ANKS1B: variants seen among roughly 807,000 people sequenced by gnomAD.
ANKS1B encodes ankyrin repeat and sterile alpha motif domain containing 1B.
Under a neutral mutation model 148.3 loss-of-function variants are expected in ANKS1B, and 36 were observed. That is an observed-to-expected ratio of 0.24 (90% CI 0.19 to 0.32). ANKS1B has a LOEUF of 0.32. Among genes scored for constraint, ANKS1B ranks in the 10% least tolerant of loss-of-function variants. The probability of loss-of-function intolerance (pLI) is 1.00; values close to 1 mark genes in which losing one functional copy is unlikely to be tolerated. For synonymous variants in ANKS1B, 542 were observed against 560.8 expected (o/e 0.97, Z 0.47); for missense variants, 1,157 against 1,542.6 (o/e 0.75, Z 4.19).
intron 8 of ANKS1B, among the ~76,000 whole-genome samples, chr12:99,683,479 GATA>G (rs1440228070): frequency 6.6e-6 from 1 of 151,840 alleles, no homozygotes; most frequent in East Asian, 1.9e-4. Context: ...AGATTAAAAT[GATA>G]ATAACAAATC....
intron 9 of ANKS1B, among the ~76,000 whole-genome samples, chr12:99,630,789 A>C (rs1390948812): frequency 6.6e-6 from 1 of 152,170 alleles, no homozygotes; most frequent in Non-Finnish European, 1.5e-5. Flanking sequence ...ACTCTACAGC[A>C]CGTCCTTACC....
At chr12:99,168,769 G>A (rs937405462) in intron 14 of ANKS1B, among the ~76,000 whole-genome samples, 1 of 152,108 alleles carries the variant, frequency 6.6e-6, no homozygotes, top group Non-Finnish European at 1.5e-5. Context: ...GTGATCCTGA[G>A]GGGGTGAAAC....
At chr12:99,425,180 T>C (rs2095222755) in intron 11 of ANKS1B, among the ~76,000 whole-genome samples, 1 of 151,998 alleles carries the variant, frequency 6.6e-6, no homozygotes, top group African/African-American at 2.4e-5. Context: ...ACACCCACAG[T>C]TGTACATATT....
chr12:98,857,678 T>C (rs2099579018), intron 17 of ANKS1B, among the ~76,000 whole-genome samples: 1 of 152,148 alleles, frequency 6.6e-6, no homozygotes, highest in East Asian at 1.9e-4. Flanking sequence ...TGAATGAAGG[T>C]GGCTAGGGTA....
chr12:99,606,035 T>C (rs1463032985), intron 9 of ANKS1B, among the ~76,000 whole-genome samples: 2 of 152,084 alleles, frequency 1.3e-5, no homozygotes, highest in Non-Finnish European at 2.9e-5. Flanking sequence ...TTCTAATTAC[T>C]GTGATGTGAT....
intron 9 of ANKS1B, among the ~76,000 whole-genome samples, chr12:99,545,860 C>T (rs960518792): frequency 3.3e-5 from 5 of 151,108 alleles, no homozygotes; most frequent in African/African-American, 1.2e-4. Flanking sequence ...TGAGACTTTA[C>T]CTATATCCAA....
intron 12 of ANKS1B, among the ~76,000 whole-genome samples, chr12:99,327,523 C>T (rs1329385571): frequency 7.0e-6 from 1 of 142,624 alleles, no homozygotes; most frequent in Non-Finnish European, 1.5e-5. Context: ...TACATATACT[C>T]TATGATGTTC....
intron 17 of ANKS1B, among the ~76,000 whole-genome samples, chr12:98,977,265 C>T (rs59196847): frequency 0.057 from 8,641 of 152,164 alleles, 521 homozygotes; most frequent in African/African-American, 0.14. Flanking sequence ...AAATGTAAAA[C>T]TTAAATCATT....
chr12:99,536,399 AG>A (rs1400095852), intron 9 of ANKS1B, among the ~76,000 whole-genome samples: 2 of 152,224 alleles, frequency 1.3e-5, no homozygotes, highest in African/African-American at 4.8e-5. Context: ...CTAAAAAATT[AG>A]TCTTTATTAT....
intron 17 of ANKS1B, among the ~76,000 whole-genome samples, chr12:99,016,955 A>G (rs960064063): frequency 6.6e-6 from 1 of 152,182 alleles, no homozygotes; most frequent in South Asian, 2.1e-4. Flanking sequence ...TTAAAGTTCC[A>G]TGTCCAGGAA....
At chr12:99,039,851 T>C (rs1319916625) in intron 17 of ANKS1B, among the ~76,000 whole-genome samples, 2 of 152,202 alleles carry the variant, frequency 1.3e-5, no homozygotes, top group African/African-American at 4.8e-5. Flanking sequence ...TTCTCTATAT[T>C]CAAAGCACCA....
At chr12:98,934,460 T>C (rs2099816589) in intron 17 of ANKS1B, among the ~76,000 whole-genome samples, 1 of 152,114 alleles carries the variant, frequency 6.6e-6, no homozygotes, top group Admixed American at 6.5e-5. Context: ...TTCTCAAGAT[T>C]GACTTGGCTA....
intron 12 of ANKS1B, among the ~76,000 whole-genome samples, chr12:99,257,682 A>G: frequency 6.6e-6 from 1 of 152,074 alleles, no homozygotes; most frequent in East Asian, 1.9e-4. Flanking sequence ...GTTGATATCT[A>G]CTTATAGTGG....
chr12:99,907,908 A>C (rs2093850488), intron 1 of ANKS1B, among the ~76,000 whole-genome samples: 1 of 151,838 alleles, frequency 6.6e-6, no homozygotes, highest in Non-Finnish European at 1.5e-5. Flanking sequence ...AACCCAAAAG[A>C]GGAACAAGTA....
chr12:99,149,285 AAGTTTT>A (rs1212822072), intron 15 of ANKS1B, among the ~76,000 whole-genome samples: 1 of 152,154 alleles, frequency 6.6e-6, no homozygotes, highest in South Asian at 2.1e-4. Flanking sequence ...AATGGGAAAA[AAGTTTT>A]AATGAAATAC....
intron 10 of ANKS1B, among the ~76,000 whole-genome samples, chr12:99,479,672 A>C (rs2096379390): frequency 6.6e-6 from 1 of 151,952 alleles, no homozygotes; most frequent in Non-Finnish European, 1.5e-5. Flanking sequence ...GGAATCTAGA[A>C]AAGTCAAACT....
At chr12:99,512,420 GA>G (rs995693772) in intron 9 of ANKS1B, among the ~76,000 whole-genome samples, 3 of 150,196 alleles carry the variant, frequency 2.0e-5, no homozygotes, top group South Asian at 2.1e-4. Context: ...GCTTGTTGCA[GA>G]AAAAAAAAGG....
At chr12:98,781,283 TAAAGATGA>T in intron 23 of ANKS1B, 80 bp from the exon 24 acceptor site, 1 of 780,090 alleles carries the variant, frequency 1.3e-6, no homozygotes, top group South Asian at 1.5e-5. Flanking sequence ...TCCTGAAAGA[TAAAGATGA>T]GCTCAAATTA....
intron 17 of ANKS1B, among the ~76,000 whole-genome samples, chr12:98,971,207 C>T (rs1021251186): frequency 5.3e-5 from 8 of 152,196 alleles, no homozygotes; most frequent in African/African-American, 1.9e-4. Context: ...AGTGGTTAAA[C>T]TTCAACTTGA....
Sources: allele counts gnomAD v4.1 joint callset (sites outside exome capture counted in the v4.1 genomes callset), GRCh38; gene constraint gnomAD v4.1.1; transcripts MANE v1.5; gene names NCBI Gene and HGNC (gene_info 2026-07-23, HGNC 2026-07-21).